EXD3: variants seen among roughly 807,000 people sequenced by gnomAD.
EXD3 encodes the protein exonuclease mut-7 homolog.
EXD3 carries 92 observed loss-of-function variants against 98.0 expected under a neutral mutation model. That is an observed-to-expected ratio of 0.94 (90% CI 0.79 to 1.12). The LOEUF (loss-of-function observed/expected upper bound fraction) is 1.12. Among genes scored for constraint, EXD3 ranks in the 50% most tolerant of loss-of-function variants. The pLI is 0.00. For synonymous variants in EXD3, 569 were observed against 526.0 expected, an observed-to-expected ratio of 1.08 and a Z score of -1.12; for missense variants, 1,222 against 1,191.6, an observed-to-expected ratio of 1.03 and a Z score of -0.38.
intron 1 of EXD3, among the ~76,000 whole-genome samples, chr9:137,416,062 G>A (rs1337688626): frequency 1.3e-5 from 2 of 152,184 alleles, no homozygotes; most frequent in Non-Finnish European, 2.9e-5. Context: ...TGATATTTTT[G>A]AAGGTTAAAA....
chr9:137,388,812 G>A (rs983832351), intron 2 of EXD3, among the ~76,000 whole-genome samples: 4 of 152,172 alleles, frequency 2.6e-5, no homozygotes, highest in African/African-American at 4.8e-5. Flanking sequence ...ATCAGACCCC[G>A]CGGCAGTGAG....
At chr9:137,354,594 A>T in intron 9 of EXD3, 106 bp downstream of exon 9, 1 of 1,559,570 alleles carries the variant, frequency 6.4e-7, no homozygotes. Flanking sequence ...AGCAGCTCCT[A>T]CTTGATATGT....
chr9:137,366,468 G>A, intron 7 of EXD3, 25 bp downstream of exon 7: 1 of 1,536,600 alleles, frequency 6.5e-7, no homozygotes, highest in Non-Finnish European at 8.8e-7. Flanking sequence ...TCTGGTGCCA[G>A]CTGCCAGCGC....
chr9:137,334,470 C>T (rs934793345), intron 17 of EXD3, among the ~76,000 whole-genome samples: 2 of 152,076 alleles, frequency 1.3e-5, no homozygotes, highest in Non-Finnish European at 2.9e-5. Flanking sequence ...TATAAATAAA[C>T]ATCCGTTGGA....
intron 1 of EXD3, among the ~76,000 whole-genome samples, chr9:137,402,261 G>A (rs973960259): frequency 6.6e-5 from 10 of 152,154 alleles, no homozygotes; most frequent in East Asian, 3.8e-4. Context: ...TGATCCGCCC[G>A]TCTCAGCCTC....
rs1164333049 is a variant in EXD3, at chr9:137,371,985, G to A, written c.462+920C>T. The stretch of plus-strand genomic sequence containing the variant: ...ACAAACCCAAGTCACAGCTTGGCCA[G>A]GCTCAGGACGACGGGGCTGTGATGC... On this transcript the variant is annotated intron_variant, in intron 5 of 21. Transcript: ENST00000340951. The surrounding 1 kb of genome is among the most constrained non-coding windows in gnomAD (Gnocchi z 8.0). Among the ~76,000 whole-genome samples, 4 of 152,156 alleles carry A rather than the reference G, an allele frequency of 2.6e-5. No homozygotes were observed. Among genetic ancestry groups the A allele is most frequent in the African/African-American group, 9.7e-5 (4 of 41,438 alleles).
At chr9:137,328,262 C>A (rs1450364438) in intron 17 of EXD3, among the ~76,000 whole-genome samples, 1 of 124,068 alleles carries the variant, frequency 8.1e-6, no homozygotes, top group South Asian at 2.5e-4. Flanking sequence ...GTAAAAACAA[C>A]AAATAAACAC....
chr9:137,358,248 C>T lies in EXD3; in HGVS notation c.657-1880G>A, dbSNP rs149041197. ...CAGAGGAACCACCTCCCTGTGTGCA[C>T]GGCGTGGCCTGGTAGCCCTGGAAGG... On this transcript the variant is annotated intron_variant, in intron 7 of 21. Transcript: ENST00000340951. Among the ~76,000 whole-genome samples the T allele has an allele frequency of 5.7e-4, 87 of 152,336 alleles. 1 individual carries two copies. Among genetic ancestry groups the T allele is most frequent in the Admixed American group, 2.7e-3 (42 of 15,294 alleles).
chr9:137,398,791 C>T lies in EXD3; in HGVS notation c.-47-3387G>A, dbSNP rs368737856. Among the ~76,000 whole-genome samples the T allele has an allele frequency of 2.0e-4, 29 of 144,374 alleles. No individual in the cohort carries two copies. In the East Asian group the frequency reaches 2.5e-3, roughly 12 times the overall value. 94.7% of individuals were successfully genotyped at this position (144,374 alleles called of 152,430 possible). On this transcript the variant is annotated intron_variant, in intron 1 of 21. Coordinates refer to ENST00000340951, the MANE Select transcript of EXD3 (RefSeq NM_017820.5). ...CGCGTCCCCGTGACACACAGGCACC[C>T]GCGTCCCCGTGACACACAGGCACCC...
At chr9:137,368,283 C>T (rs1835376259) in intron 5 of EXD3, among the ~76,000 whole-genome samples, 1 of 152,228 alleles carries the variant, frequency 6.6e-6, no homozygotes, top group African/African-American at 2.4e-5. Context: ...GGTCCCAGGG[C>T]CTTGCTCGGG....
At chr9:137,401,285 C>G (rs77226083) in intron 1 of EXD3, among the ~76,000 whole-genome samples, 3,207 of 151,772 alleles carry the variant, frequency 0.021, 116 homozygotes, top group African/African-American at 0.07. Flanking sequence ...TCCCAAGTAG[C>G]TGGGACAACA....
At chr9:137,350,981 C>T in intron 14 of EXD3, 57 bp downstream of exon 14, 4 of 1,468,654 alleles carry the variant, frequency 2.7e-6, no homozygotes, top group Non-Finnish European at 3.7e-6. Flanking sequence ...GGGCCCCAAG[C>T]AGCCCTCGAA....
In EXD3 at chr9:137,356,516, C is replaced by T. The variant is rs189193648; in HGVS notation, c.657-148G>A. ...GCAGGCGTCACCGCCCCCCGCCCAC[C>T]CCATCCTTAGCACTTGGAGGTCGAC... On this transcript the variant is annotated intron_variant, in intron 7 of 21. Transcript: ENST00000340951. The T allele has an allele frequency of 1.5e-3, 919 of 607,266 alleles. 7 individuals carry two copies. Among genetic ancestry groups the T allele is most frequent in the Admixed American group, 5.1e-3 (191 of 37,102 alleles). 37.6% of individuals were successfully genotyped at this position (607,266 alleles called of 1,614,324 possible).
chr9:137,420,207 T>C (rs753657009), intron 1 of EXD3, among the ~76,000 whole-genome samples: 17 of 152,054 alleles, frequency 1.1e-4, no homozygotes, highest in South Asian at 4.1e-4. Flanking sequence ...ACTGAACTGA[T>C]AGAGGCCTGA....
chr9:137,355,457 A>AG (rs1335836561), intron 8 of EXD3, among the ~76,000 whole-genome samples: 1 of 107,672 alleles, frequency 9.3e-6, no homozygotes, highest in African/African-American at 4.3e-5. Context: ...GGATGGAGGA[A>AG]GGAGAAAGGA....
At chr9:137,319,984 CGTG>C (rs1554799186) in intron 19 of EXD3, among the ~76,000 whole-genome samples, 1 of 152,236 alleles carries the variant, frequency 6.6e-6, no homozygotes, top group Non-Finnish European at 1.5e-5. Context: ...GGCGCATACA[CGTG>C]GGGCTCTGCA....
At chr9:137,419,669 AAAAT>A (rs1162110908) in intron 1 of EXD3, among the ~76,000 whole-genome samples, 4 of 152,062 alleles carry the variant, frequency 2.6e-5, no homozygotes, top group Non-Finnish European at 5.9e-5. Context: ...ACTCCATCTC[AAAAT>A]AAATAAATAA....
intron 7 of EXD3, among the ~76,000 whole-genome samples, chr9:137,358,530 G>A (rs186834950): frequency 1.4e-3 from 214 of 152,262 alleles, no homozygotes; most frequent in Non-Finnish European, 2.6e-3. Flanking sequence ...TCAGGCCTCC[G>A]AGGACAGTCG....
At chr9:137,337,856 T>C (rs112165474) in intron 17 of EXD3, among the ~76,000 whole-genome samples, 2,354 of 151,426 alleles carry the variant, frequency 0.016, 36 homozygotes, top group African/African-American at 0.052. Flanking sequence ...GACGCAATCT[T>C]GGCTCACTGC....
Sources: gnomAD v4.1 joint callset for allele counts (sites outside exome capture counted in the v4.1 genomes callset) on GRCh38, gnomAD v4.1.1 for gene constraint, Gnocchi (gnomAD v3.1) non-coding constraint, MANE v1.5 for transcripts, NCBI Gene and HGNC (gene_info 2026-07-23, HGNC 2026-07-21) for gene names.